SLC8A1: variants seen among roughly 807,000 people sequenced by gnomAD.
SLC8A1 encodes solute carrier family 8 member A1.
Under a neutral mutation model 68.3 loss-of-function variants are expected in SLC8A1, and 18 were observed. That is an observed-to-expected ratio of 0.26 (90% CI 0.18 to 0.39). The LOEUF (loss-of-function observed/expected upper bound fraction) is 0.39. SLC8A1 is among the 10% of genes least tolerant of loss of function. The probability of loss-of-function intolerance (pLI) is 1.00; values close to 1 mark genes in which losing one functional copy is unlikely to be tolerated. For missense variants in SLC8A1, 985 were observed against 1,156.7 expected, an observed-to-expected ratio of 0.85 and a Z score of 2.15; for synonymous variants, 475 against 415.5, an observed-to-expected ratio of 1.14 and a Z score of -1.74.
intron 1 of SLC8A1, among the ~76,000 whole-genome samples, chr2:40,474,050 T>G (rs573456032): frequency 1.1e-4 from 16 of 152,310 alleles, no homozygotes; most frequent in African/African-American, 3.8e-4. Context: ...CAGCTAAGAT[T>G]ATTCCTTCTG....
At chr2:40,374,515 G>C (rs1039525722) in intron 2 of SLC8A1, among the ~76,000 whole-genome samples, 11 of 151,956 alleles carry the variant, frequency 7.2e-5, no homozygotes, top group Non-Finnish European at 1.2e-4. Context: ...ATTTTGCATA[G>C]GGGTGACTTG....
At chr2:40,457,591 T>G (rs973951256) in intron 1 of SLC8A1, among the ~76,000 whole-genome samples, 1 of 152,212 alleles carries the variant, frequency 6.6e-6, no homozygotes, top group African/African-American at 2.4e-5. Context: ...CTGGAAATAA[T>G]GAAACTGTAT....
intron 2 of SLC8A1, among the ~76,000 whole-genome samples, chr2:40,415,696 AG>A (rs1693598586): frequency 6.6e-6 from 1 of 152,004 alleles, no homozygotes; most frequent in Admixed American, 6.6e-5. Flanking sequence ...TCCAAAGAAA[AG>A]CAATCTCAAC....
intron 2 of SLC8A1, among the ~76,000 whole-genome samples, chr2:40,328,817 T>C (rs536492569): frequency 7.0e-4 from 107 of 152,212 alleles, no homozygotes; most frequent in Non-Finnish European, 1.2e-3. Context: ...ACCTGGACTA[T>C]TGCAAGGGCT....
At chr2:40,377,355 A>G (rs1680225673) in intron 2 of SLC8A1, among the ~76,000 whole-genome samples, 1 of 152,110 alleles carries the variant, frequency 6.6e-6, no homozygotes, top group Non-Finnish European at 1.5e-5. Flanking sequence ...CAATACCTTG[A>G]GTGCAGGCTT....
In SLC8A1 at chr2:40,212,281, A is replaced by ATGTTTTTTTTTTTTTTTTTTTTTTTTTTT. The variant is rs371395367; in HGVS notation, c.1809-34427_1809-34426insAAAAAAAAAAAAAAAAAAAAAAAAAAACA. 6.8e-5 allele frequency among the ~76,000 whole-genome samples: 8 copies of ATGTTTTTTTTTTTTTTTTTTTTTTTTTTT among 118,212 alleles called. 3 individuals carry two copies. Among genetic ancestry groups the ATGTTTTTTTTTTTTTTTTTTTTTTTTTTT allele is most frequent in the African/African-American group, 6.2e-5 (2 of 32,260 alleles). 77.6% of individuals were successfully genotyped at this position (118,212 alleles called of 152,430 possible). A position where few individuals can be genotyped will look rare whatever the true frequency, so the allele number is the denominator to read the frequency against. On this transcript the variant is annotated intron_variant, in intron 2 of 7. Coordinates refer to ENST00000406785, the Ensembl canonical transcript of SLC8A1. ...AGGTGCTAAACAGAAGAGATGCAAT[A>ATGTTTTTTTTTTTTTTTTTTTTTTTTTTT]TCTTTTTTTTTTTTTTTTTTCCTGA...
intron 2 of SLC8A1, among the ~76,000 whole-genome samples, chr2:40,301,554 G>C (rs1335457426): frequency 6.6e-6 from 1 of 152,094 alleles, no homozygotes; most frequent in Non-Finnish European, 1.5e-5. Context: ...AGGATGCAAA[G>C]GCATAAAAAT....
At chr2:40,214,524 C>T (rs969706280) in intron 2 of SLC8A1, among the ~76,000 whole-genome samples, 1 of 151,662 alleles carries the variant, frequency 6.6e-6, no homozygotes, top group African/African-American at 2.4e-5. Flanking sequence ...CTCACTGCAA[C>T]CTCCGCCTCC....
intron 1 of SLC8A1, among the ~76,000 whole-genome samples, chr2:40,462,099 T>C (rs548668183): frequency 2.1e-5 from 3 of 146,278 alleles, no homozygotes; most frequent in East Asian, 2.4e-4. Context: ...CTCCAGCTCC[T>C]GGGTTCGAGC....
rs563237464 is a variant in SLC8A1, at chr2:40,122,143, G to A, written c.2438-6514C>T. 2.6e-5 allele frequency among the ~76,000 whole-genome samples: 4 copies of A among 152,004 alleles called. No homozygotes were observed. The South Asian group carries it at 6.2e-4, about 24-fold the overall frequency. On this transcript the variant is annotated intron_variant, in intron 7 of 7. Coordinates refer to ENST00000406785, the Ensembl canonical transcript of SLC8A1. ...TAAACAAGCATTTGTCTTTGGTTGCGATATTTATTTACCCAAGTAAATAGA... is the reference window on the plus strand; with the variant it reads ...TAAACAAGCATTTGTCTTTGGTTGCAATATTTATTTACCCAAGTAAATAGA...
chr2:40,153,097 T>G (rs1349259975), intron 6 of SLC8A1, among the ~76,000 whole-genome samples: 2 of 152,118 alleles, frequency 1.3e-5, no homozygotes, highest in African/African-American at 4.8e-5. Context: ...TAAAAAAATA[T>G]CACTTACAAG....
chr2:40,340,904 A>T (rs1428893224), intron 2 of SLC8A1, among the ~76,000 whole-genome samples: 4 of 152,214 alleles, frequency 2.6e-5, no homozygotes, highest in Admixed American at 2.6e-4. Flanking sequence ...GGAGACTTGT[A>T]CTAAAGGCTT....
chr2:40,103,521 C>G (rs1262786656), exon 8 of SLC8A1: 1 of 152,112 alleles, frequency 6.6e-6, no homozygotes, highest in Admixed American at 6.6e-5. Flanking sequence ...CATTGCACAT[C>G]CTGTTTGTAA....
intron 2 of SLC8A1, among the ~76,000 whole-genome samples, chr2:40,396,270 G>A (rs1423503413): frequency 1.3e-5 from 2 of 152,230 alleles, no homozygotes; most frequent in Admixed American, 6.5e-5. Flanking sequence ...AATCCATGAA[G>A]TGTGTTTGTT....
chr2:40,349,088 T>C (rs548411916), intron 2 of SLC8A1, among the ~76,000 whole-genome samples: 46 of 152,284 alleles, frequency 3.0e-4, no homozygotes, highest in Non-Finnish European at 5.4e-4. Context: ...TTCATGCCCA[T>C]TCTCATTCTT....
In SLC8A1 at chr2:40,364,331, T is replaced by G. The variant is rs528977025; in HGVS notation, c.1808+64142A>C. Among the ~76,000 whole-genome samples the G allele has an allele frequency of 3.3e-5, 5 of 151,978 alleles. No individual in the cohort carries two copies. The East Asian group carries it at 5.8e-4, about 18-fold the overall frequency. ...TTCAAACATTTCAAACTCACTGGAATTGTGCAATCACTACGAGTTTGTGTG... is the reference window on the plus strand; with the variant it reads ...TTCAAACATTTCAAACTCACTGGAAGTGTGCAATCACTACGAGTTTGTGTG... On this transcript the variant is annotated intron_variant, in intron 2 of 7. Transcript: ENST00000406785.
intron 6 of SLC8A1, among the ~76,000 whole-genome samples, chr2:40,152,186 C>T (rs1447770854): frequency 2.0e-5 from 3 of 152,128 alleles, no homozygotes; most frequent in African/African-American, 7.2e-5. Context: ...TTATTGGGGG[C>T]ATGACATGCA....
intron 6 of SLC8A1, among the ~76,000 whole-genome samples, chr2:40,147,814 T>A (rs2042732213): frequency 6.6e-6 from 1 of 152,220 alleles, no homozygotes. Context: ...GCTGCTATGA[T>A]TCATCTATGA....
At chr2:40,263,323 G>T (rs1354145075) in intron 2 of SLC8A1, among the ~76,000 whole-genome samples, 2 of 152,152 alleles carry the variant, frequency 1.3e-5, no homozygotes, top group Non-Finnish European at 2.9e-5. Context: ...GCAACACAGT[G>T]CTAGCTGTAA....
Sources: allele counts gnomAD v4.1 joint callset (sites outside exome capture counted in the v4.1 genomes callset), GRCh38; gene constraint gnomAD v4.1.1; transcripts MANE v1.5; gene names NCBI Gene and HGNC (gene_info 2026-07-23, HGNC 2026-07-21).